FAM117B: variants seen among roughly 807,000 people sequenced by gnomAD.
FAM117B encodes protein FAM117B.
In FAM117B, 22 loss-of-function variants were observed where a neutral mutation model predicts 52.8. The ratio of observed to expected loss-of-function variants is 0.42; its 90% CI spans 0.30 to 0.59. The LOEUF (loss-of-function observed/expected upper bound fraction) is 0.59. Among genes scored for constraint, FAM117B ranks in the 20% least tolerant of loss-of-function variants. FAM117B has a pLI of 0.22. For missense variants in FAM117B, 678 were observed against 802.6 expected (o/e 0.84, Z 1.88); for synonymous variants, 309 against 324.1 (o/e 0.95, Z 0.50).
intron 7 of FAM117B, among the ~76,000 whole-genome samples, chr2:202,763,171 G>A (rs559028600): frequency 9.4e-5 from 14 of 149,600 alleles, no homozygotes; most frequent in Non-Finnish European, 1.5e-4. Context: ...TCCCGGGTTC[G>A]CGCCATTCTC....
intron 2 of FAM117B, among the ~76,000 whole-genome samples, chr2:202,720,288 CT>C (rs1295199432): frequency 3.3e-5 from 5 of 151,144 alleles, no homozygotes; most frequent in African/African-American, 9.7e-5. Flanking sequence ...TGGAAATGAC[CT>C]AAGATTTTTC....
At chr2:202,660,214 C>T (rs932079770) in intron 1 of FAM117B, among the ~76,000 whole-genome samples, 2 of 151,814 alleles carry the variant, frequency 1.3e-5, no homozygotes, top group African/African-American at 4.8e-5. Flanking sequence ...AAAATCTGAG[C>T]CATCTTAGGG....
chr2:202,727,785 T>C (rs1691269456), intron 4 of FAM117B, among the ~76,000 whole-genome samples: 1 of 152,176 alleles, frequency 6.6e-6, no homozygotes, highest in Admixed American at 6.6e-5. Flanking sequence ...TCACGAAGCC[T>C]AAAATACTTA....
chr2:202,728,051 T>C (rs56281603), intron 4 of FAM117B, among the ~76,000 whole-genome samples: 16,150 of 152,106 alleles, frequency 0.11, 2,862 homozygotes, highest in African/African-American at 0.37. Flanking sequence ...TGATCACAGA[T>C]TCACTATAGC....
At chr2:202,690,364 A>G (rs2105774204) in intron 1 of FAM117B, among the ~76,000 whole-genome samples, 1 of 152,314 alleles carries the variant, frequency 6.6e-6, no homozygotes, top group East Asian at 1.9e-4. Flanking sequence ...GGAAATTAAC[A>G]AAGAAAATTA....
intron 2 of FAM117B, among the ~76,000 whole-genome samples, chr2:202,721,055 A>G (rs548078882): frequency 2.0e-4 from 30 of 152,340 alleles, no homozygotes; most frequent in African/African-American, 6.0e-4. Flanking sequence ...TTCACTTACT[A>G]TATTAAGGAG....
intron 1 of FAM117B, among the ~76,000 whole-genome samples, chr2:202,685,475 G>A (rs57155807): frequency 0.082 from 12,394 of 151,998 alleles, 1,680 homozygotes; most frequent in African/African-American, 0.28. Flanking sequence ...AACAACTAAG[G>A]ATGTCAACTC....
At chr2:202,719,954 T>C (rs1410242232) in intron 2 of FAM117B, among the ~76,000 whole-genome samples, 2 of 152,180 alleles carry the variant, frequency 1.3e-5, no homozygotes, top group African/African-American at 2.4e-5. Flanking sequence ...AGGAATACTG[T>C]ATGTGATGTA....
intron 1 of FAM117B, among the ~76,000 whole-genome samples, chr2:202,645,390 C>T (rs1270224227): frequency 6.9e-6 from 1 of 144,830 alleles, no homozygotes; most frequent in African/African-American, 2.6e-5. Flanking sequence ...CCGGGGTTCA[C>T]GCCATTCTCC....
At chr2:202,643,163 A>G (rs1400987944) in intron 1 of FAM117B, among the ~76,000 whole-genome samples, 3 of 152,220 alleles carry the variant, frequency 2.0e-5, no homozygotes, top group Non-Finnish European at 4.4e-5. Context: ...AGGAAAGTGA[A>G]AAAACTGGGT....
At chr2:202,701,301 A>G (rs1207219725) in intron 2 of FAM117B, among the ~76,000 whole-genome samples, 1 of 152,182 alleles carries the variant, frequency 6.6e-6, no homozygotes, top group Non-Finnish European at 1.5e-5. Flanking sequence ...ATTGAGACCT[A>G]CTGTTCAGAA....
At chr2:202,644,722 T>C (rs73992630) in intron 1 of FAM117B, among the ~76,000 whole-genome samples, 5,652 of 152,320 alleles carry the variant, frequency 0.037, 361 homozygotes, top group African/African-American at 0.13. Flanking sequence ...GAATTGTAGG[T>C]TGGAAATAAT....
chr2:202,704,798 A>C (rs549811334), intron 2 of FAM117B, among the ~76,000 whole-genome samples: 11 of 151,832 alleles, frequency 7.2e-5, no homozygotes, highest in Non-Finnish European at 1.6e-4. Flanking sequence ...ATGAGGCTTC[A>C]CCATATTGGC....
At chr2:202,657,561 C>T (rs115720398) in intron 1 of FAM117B, among the ~76,000 whole-genome samples, 3,423 of 152,168 alleles carry the variant, frequency 0.022, 119 homozygotes, top group African/African-American at 0.077. Context: ...ATTATGGCTA[C>T]GGTGGTAGCC....
At chr2:202,718,354 A>G (rs1691090385) in intron 2 of FAM117B, among the ~76,000 whole-genome samples, 1 of 152,150 alleles carries the variant, frequency 6.6e-6, no homozygotes, top group African/African-American at 2.4e-5. Flanking sequence ...CTTCTCCTTT[A>G]TGAATTTTAT....
At chr2:202,742,763 C>T (rs190516694) in intron 4 of FAM117B, among the ~76,000 whole-genome samples, 2 of 152,248 alleles carry the variant, frequency 1.3e-5, no homozygotes, top group African/African-American at 4.8e-5. Context: ...ACCACAGACA[C>T]AAAGGGCTAA....
intron 1 of FAM117B, among the ~76,000 whole-genome samples, chr2:202,640,252 C>T (rs192758204): frequency 1.8e-3 from 237 of 132,050 alleles, no homozygotes; most frequent in African/African-American, 6.2e-3. Context: ...GCCTGAGCAA[C>T]AAGAGCAAAA....
At chr2:202,741,051 A>T (rs181138472) in intron 4 of FAM117B, among the ~76,000 whole-genome samples, 1 of 152,196 alleles carries the variant, frequency 6.6e-6, no homozygotes, top group African/African-American at 2.4e-5. Flanking sequence ...GATTCTTACC[A>T]TCCCTACTTC....
intron 1 of FAM117B, among the ~76,000 whole-genome samples, chr2:202,647,058 A>G (rs1244088227): frequency 1.3e-5 from 2 of 152,170 alleles, no homozygotes; most frequent in African/African-American, 4.8e-5. Flanking sequence ...AGATTTTTAA[A>G]AACTTATAAG....
Sources: gnomAD v4.1 joint callset for allele counts (sites outside exome capture counted in the v4.1 genomes callset) on GRCh38, gnomAD v4.1.1 for gene constraint, MANE v1.5 for transcripts, NCBI Gene and HGNC (gene_info 2026-07-23, HGNC 2026-07-21) for gene names.